The following NRXN1 variants were observed in gnomAD, a reference collection of about 807,000 sequenced individuals.
NRXN1 encodes neurexin-1.
In NRXN1, 39 loss-of-function variants were observed where a neutral mutation model predicts 150.9. That is an observed-to-expected ratio of 0.26 (90% CI 0.20 to 0.34). The LOEUF (loss-of-function observed/expected upper bound fraction) is 0.34, where lower values mean the gene tolerates loss of function less well. NRXN1 is among the 10% of genes least tolerant of loss of function. The pLI is 1.00. For missense variants in NRXN1, 1,815 were observed against 1,949.9 expected (o/e 0.93, Z 1.30); for synonymous variants, 924 against 757.0 (o/e 1.22, Z -3.62).
rs1249543983 is a variant in NRXN1 at position 50,951,966 on chromosome 2, T to A, written c.773-26011A>T. 8.6e-3 allele frequency among the ~76,000 whole-genome samples: 1,109 copies of A among 128,912 alleles called. 4 individuals carry two copies. Among genetic ancestry groups the A allele is most frequent in the African/African-American group, 0.033 (1,062 of 32,454 alleles). The allele number at this position is 128,912 out of a possible 152,430, so 84.6% of individuals were successfully genotyped here. Reference sequence around the variant, plus strand: ...AAATATATATATATATATATATATTTTTTTTTTTTTTTTTTTTTGAGACGG... The same window carrying A: ...AAATATATATATATATATATATATTATTTTTTTTTTTTTTTTTTGAGACGG... On this transcript the variant is annotated intron_variant, in intron 2 of 22. Coordinates refer to ENST00000401669, the MANE Select transcript of NRXN1 (RefSeq NM_001330078.2).
At chr2:49,931,197 T>C (rs1400147427) in intron 22 of NRXN1, among the ~76,000 whole-genome samples, 1 of 152,154 alleles carries the variant, frequency 6.6e-6, no homozygotes, top group African/African-American at 2.4e-5. Context: ...CATTAACATC[T>C]CATATTTCTT....
intron 22 of NRXN1, among the ~76,000 whole-genome samples, chr2:49,936,290 T>C (rs1010160275): frequency 6.6e-6 from 1 of 152,192 alleles, no homozygotes; most frequent in Non-Finnish European, 1.5e-5. Context: ...CTAAAGAGAC[T>C]GTGCTGATTT....
At chr2:50,241,915 A>G (rs985062675) in intron 17 of NRXN1, among the ~76,000 whole-genome samples, 1 of 151,840 alleles carries the variant, frequency 6.6e-6, no homozygotes, top group East Asian at 1.9e-4. Context: ...CAGCATGTAC[A>G]GGTCTGCTCA....
chr2:50,326,759 A>G (rs1251237521), intron 17 of NRXN1, among the ~76,000 whole-genome samples: 2 of 152,182 alleles, frequency 1.3e-5, no homozygotes, highest in African/African-American at 2.4e-5. Flanking sequence ...TTTAAAGGGT[A>G]TATTTTGTAA....
At chr2:50,798,217 T>C (rs534399754) in intron 5 of NRXN1, among the ~76,000 whole-genome samples, 63 of 152,248 alleles carry the variant, frequency 4.1e-4, no homozygotes, top group Non-Finnish European at 6.8e-4. Context: ...TTGGTTAATA[T>C]AGTTGTTATG....
intron 5 of NRXN1, among the ~76,000 whole-genome samples, chr2:50,742,286 T>G (rs1279064119): frequency 6.6e-6 from 1 of 151,820 alleles, no homozygotes; most frequent in Non-Finnish European, 1.5e-5. Flanking sequence ...TACTCTTTTT[T>G]CTTTTCTGCC....
intron 18 of NRXN1, among the ~76,000 whole-genome samples, chr2:50,216,111 T>G (rs2063380189): frequency 6.6e-6 from 1 of 151,894 alleles, no homozygotes; most frequent in Non-Finnish European, 1.5e-5. Flanking sequence ...ATCCTAACAC[T>G]TAGGGAGGCT....
chr2:50,513,008 G>A (rs1018228140), intron 12 of NRXN1, among the ~76,000 whole-genome samples: 3 of 152,218 alleles, frequency 2.0e-5, no homozygotes, highest in Non-Finnish European at 4.4e-5. Flanking sequence ...TATAAACTTG[G>A]ATTTGAAAGC....
intron 9 of NRXN1, among the ~76,000 whole-genome samples, chr2:50,543,981 G>A (rs1434690169): frequency 6.6e-6 from 1 of 152,102 alleles, no homozygotes; most frequent in Admixed American, 6.5e-5. Context: ...GGATAGATCT[G>A]TTAGGCTTCA....
chr2:50,873,943 C>T (rs1372246008), intron 5 of NRXN1, among the ~76,000 whole-genome samples: 1 of 151,736 alleles, frequency 6.6e-6, no homozygotes, highest in African/African-American at 2.4e-5. Context: ...CCAGCCCACC[C>T]CATTGGTTTG....
intron 15 of NRXN1, among the ~76,000 whole-genome samples, chr2:50,485,122 A>G (rs1211716544): frequency 1.3e-5 from 2 of 152,166 alleles, no homozygotes; most frequent in Non-Finnish European, 1.5e-5. Flanking sequence ...GGCACTAATA[A>G]TTCACTGATC....
At chr2:50,017,470 G>A (rs1016995013) in intron 21 of NRXN1, among the ~76,000 whole-genome samples, 1 of 152,158 alleles carries the variant, frequency 6.6e-6, no homozygotes, top group African/African-American at 2.4e-5. Flanking sequence ...AGAGCTCTGT[G>A]TTTGGAAGAA....
chr2:50,811,472 T>G (rs569021738), intron 5 of NRXN1, among the ~76,000 whole-genome samples: 1 of 152,296 alleles, frequency 6.6e-6, no homozygotes, highest in South Asian at 2.1e-4. Flanking sequence ...CACCTCACAT[T>G]TTTATCTCAA....
At chr2:50,913,333 C>G (rs1231294135) in intron 5 of NRXN1, among the ~76,000 whole-genome samples, 2 of 151,746 alleles carry the variant, frequency 1.3e-5, no homozygotes, top group African/African-American at 2.4e-5. Flanking sequence ...ATCCCTCTAG[C>G]AGCAGTTTAG....
chr2:50,208,901 T>C (rs1237044007), intron 18 of NRXN1, among the ~76,000 whole-genome samples: 1 of 152,154 alleles, frequency 6.6e-6, no homozygotes, highest in Non-Finnish European at 1.5e-5. Flanking sequence ...TTAATAGATA[T>C]TTCTCACACA....
At chr2:50,369,971 G>T (rs142504998) in intron 17 of NRXN1, among the ~76,000 whole-genome samples, 281 of 152,068 alleles carry the variant, frequency 1.8e-3, no homozygotes, top group African/African-American at 6.7e-3. Flanking sequence ...AATGGCCATG[G>T]CTAATCGCAA....
intron 2 of NRXN1, among the ~76,000 whole-genome samples, chr2:50,973,279 C>A (rs932835747): frequency 6.6e-6 from 1 of 152,148 alleles, no homozygotes; most frequent in Non-Finnish European, 1.5e-5. Context: ...CTCAAAGACA[C>A]TGGCAAACAC....
At position 50,755,180 on chromosome 2, in the gene NRXN1, A is replaced by G. The variant is rs76268109; in HGVS notation, c.833-131565T>C. 3.3e-5 allele frequency among the ~76,000 whole-genome samples: 5 copies of G among 151,942 alleles called. No individual in the cohort carries two copies. In the East Asian group the frequency reaches 9.8e-4, roughly 30 times the overall value. ...CATACTTTAGGGGACTGTAAACTTC[A>G]TTATAGCCTATTCATTATAGTATAA... On this transcript the variant is annotated intron_variant, in intron 5 of 22. Transcript: ENST00000401669.
At chr2:50,357,469 C>T (rs1425918522) in intron 17 of NRXN1, among the ~76,000 whole-genome samples, 3 of 151,668 alleles carry the variant, frequency 2.0e-5, no homozygotes, top group South Asian at 2.1e-4. Context: ...CCACCATGCC[C>T]GGCTAATTTT....
Sources: allele counts gnomAD v4.1 joint callset (sites outside exome capture counted in the v4.1 genomes callset), GRCh38; gene constraint gnomAD v4.1.1; transcripts MANE v1.5; gene names NCBI Gene and HGNC (gene_info 2026-07-23, HGNC 2026-07-21).